Variants in TJP2 observed in about 807,000 individuals in gnomAD.
The protein encoded by TJP2 is Friedreich ataxia region gene X104 (tight junction protein ZO-2).
A neutral mutation model predicts 133.1 loss-of-function variants in TJP2; 91 were observed. That is an observed-to-expected ratio of 0.68 (90% CI 0.58 to 0.81). The LOEUF (loss-of-function observed/expected upper bound fraction) is 0.81, where lower values mean the gene tolerates loss of function less well. Ranked by LOEUF, TJP2 falls within the 40% of genes least tolerant of loss-of-function variation. The pLI is 0.00. For synonymous variants in TJP2, 592 were observed against 583.4 expected, an observed-to-expected ratio of 1.01 and a Z score of -0.21; for missense variants, 1,541 against 1,565.6, an observed-to-expected ratio of 0.98 and a Z score of 0.26.
chr9:69,188,885 G>A (rs1826028528), intron 1 of TJP2, among the ~76,000 whole-genome samples: 1 of 152,116 alleles, frequency 6.6e-6, no homozygotes, highest in Non-Finnish European at 1.5e-5. Flanking sequence ...TTAATATCAG[G>A]AAAAACTTAT....
intron 12 of TJP2, 25 bp from the exon 13 acceptor site, chr9:69,236,003 A>C (rs765483366): frequency 2.5e-6 from 4 of 1,610,436 alleles, no homozygotes; most frequent in Admixed American, 1.7e-5. Context: ...AGCTGAATGC[A>C]ACAAACGATG....
intron 5 of TJP2, 46 bp downstream of exon 5, chr9:69,221,542 T>C (rs1296464383): frequency 6.4e-7 from 1 of 1,572,282 alleles, no homozygotes; most frequent in Non-Finnish European, 8.6e-7. Flanking sequence ...GTGATATGAA[T>C]AACCTTTGTT....
intron 2 of TJP2, among the ~76,000 whole-genome samples, chr9:69,213,960 G>A (rs774710564): frequency 4.6e-5 from 7 of 152,158 alleles, no homozygotes; most frequent in Non-Finnish European, 7.3e-5. Flanking sequence ...TGGGCCTCAC[G>A]TGGGAAACTT....
rs761267971 is a variant in TJP2 at position 69,251,099 on chromosome 9, C to T, written c.3056C>T (p.Pro1019Leu). 1.9e-6 allele frequency: 3 copies of T among 1,614,160 alleles called. No homozygotes were observed. Among genetic ancestry groups the T allele is most frequent in the Non-Finnish European group, 2.5e-6 (3 of 1,180,034 alleles). The change falls in exon 21 of 23, where the codon CCC becomes CTC. Residue 1019 changes from proline (P) to leucine (L), a missense_variant. Coordinates refer to ENST00000377245, the MANE Select transcript of TJP2 (RefSeq NM_004817.4). ...AAATCCTATGAATATAAGTCAAACC[C>T]CTCTGCCGTTGCTGGTAATGAAACT... is the stretch of plus-strand genomic sequence containing the variant. ...FSKSYEYKSN[P>L]SAVAGNETPG...
chr9:69,237,848 A>G, intron 14 of TJP2, 30 bp from the exon 15 acceptor site: 4 of 1,507,424 alleles, frequency 2.7e-6, no homozygotes, highest in Non-Finnish European at 2.8e-6. Context: ...GCAAGTGTGT[A>G]TGCTTTAATG....
rs1051397558 is a variant in TJP2, at chr9:69,186,059, C to T, written c.60+11627C>T. On this transcript the variant is annotated intron_variant, in intron 1 of 22. Transcript: ENST00000377245. ...CTGGGATTACAGGTGTGAGCCGCCGCGCCCGGCCAATGTAGTGGTTTTAAG... is the reference window on the plus strand; with the variant it reads ...CTGGGATTACAGGTGTGAGCCGCCGTGCCCGGCCAATGTAGTGGTTTTAAG... Among the ~76,000 whole-genome samples, 6 of 151,992 alleles carry T rather than the reference C, an allele frequency of 3.9e-5. No individual in the cohort carries two copies. The South Asian group carries it at 6.2e-4, about 16-fold the overall frequency.
chr9:69,137,277 T>C (rs1292536799), intron 1 of TJP2, among the ~76,000 whole-genome samples: 2 of 108,188 alleles, frequency 1.8e-5, no homozygotes, highest in East Asian at 5.4e-4. Context: ...TTCTTTTTCT[T>C]TCTTTCTTTC....
At chr9:69,137,411 C>T (rs899021791) in intron 1 of TJP2, among the ~76,000 whole-genome samples, 12 of 149,878 alleles carry the variant, frequency 8.0e-5, no homozygotes, top group South Asian at 2.2e-4. Flanking sequence ...CTCACTGCAA[C>T]GTGTGCAGTG....
At position 69,125,303 on chromosome 9, in the gene TJP2, ATTT is replaced by A. The variant is rs759954506; in HGVS notation, c.-131+3597_-131+3599del. ...TGTGCGTTTAATAGCACCCTGAGTG[ATTT>A]TTTTTTTTTTTTTTTTTTGAGATAG... On this transcript the variant is annotated intron_variant, in intron 1 of 5. Coordinates refer to the TJP2 transcript ENST00000423935. Among the ~76,000 whole-genome samples, 234 of 43,834 alleles carry A rather than the reference ATTT, an allele frequency of 5.3e-3. 81 individuals carry two copies. Among genetic ancestry groups the A allele is most frequent in the African/African-American group, 0.015 (211 of 14,096 alleles). The allele number at this position is 43,834 out of a possible 152,430, so 28.8% of individuals were successfully genotyped here.
chr9:69,244,743 T>C (rs1830809406), intron 17 of TJP2, among the ~76,000 whole-genome samples: 1 of 152,240 alleles, frequency 6.6e-6, no homozygotes, highest in South Asian at 2.1e-4. Context: ...GTCAAGTGCA[T>C]GAGTTGGATG....
intron 1 of TJP2, 35 bp from the exon 2 acceptor site, chr9:69,212,513 G>T (rs1588069945): frequency 1.3e-6 from 2 of 1,544,798 alleles, no homozygotes; most frequent in East Asian, 4.5e-5. Context: ...AAAGGTTGTG[G>T]TTTTCATCAG....
At chr9:69,215,291 C>G (rs1340953216) in intron 2 of TJP2, among the ~76,000 whole-genome samples, 1 of 150,730 alleles carries the variant, frequency 6.6e-6, no homozygotes, top group Non-Finnish European at 1.5e-5. Flanking sequence ...ATATAACAAA[C>G]CTGCACATGT....
At chr9:69,158,327 C>CA (rs1156502519) in intron 2 of TJP2, among the ~76,000 whole-genome samples, 27,182 of 53,038 alleles carry the variant, frequency 0.51, 6,863 homozygotes, top group East Asian at 0.82. Flanking sequence ...GACTTTGCCT[C>CA]AAAAAAAAAA....
intron 2 of TJP2, among the ~76,000 whole-genome samples, chr9:69,161,476 T>C (rs56183630): frequency 6.6e-6 from 1 of 151,988 alleles, no homozygotes. Context: ...ATCCATCCGC[T>C]TCAGCCTCCC....
chr9:69,235,466 G>A (rs543702010), intron 12 of TJP2, among the ~76,000 whole-genome samples: 1 of 151,984 alleles, frequency 6.6e-6, no homozygotes, highest in African/African-American at 2.4e-5. Flanking sequence ...GGGACTACAG[G>A]CGCCCACCAC....
intron 1 of TJP2, among the ~76,000 whole-genome samples, chr9:69,182,932 G>T (rs1452273409): frequency 6.6e-6 from 1 of 151,332 alleles, no homozygotes; most frequent in African/African-American, 2.4e-5. Context: ...GGGACTACAG[G>T]TGCGCACCAC....
intron 1 of TJP2, among the ~76,000 whole-genome samples, chr9:69,143,357 C>A (rs979543734): frequency 2.6e-5 from 4 of 152,144 alleles, no homozygotes; most frequent in African/African-American, 9.7e-5. Flanking sequence ...TTAGCTCAGG[C>A]TTTGTTACTT....
intron 1 of TJP2, among the ~76,000 whole-genome samples, chr9:69,134,106 G>C (rs1438438266): frequency 6.6e-6 from 1 of 152,168 alleles, no homozygotes; most frequent in East Asian, 1.9e-4. Flanking sequence ...ATTAGACTGG[G>C]TGATTTTTGA....
Position 69,174,395 on chromosome 9 carries a change from G to A in TJP2, c.23G>A (p.Gly8Glu). Residue 8 changes from glycine to glutamate, a missense_variant, in exon 1 of 23, where the codon GGG becomes GAG. Coordinates refer to ENST00000377245, the MANE Select transcript of TJP2 (RefSeq NM_004817.4). ...GAAATGCCGGTGCGAGGAGACCGCGGGTTTCCACCCCGGCGGGAGCTGTCA... is the reference window on the plus strand; with the variant it reads ...GAAATGCCGGTGCGAGGAGACCGCGAGTTTCCACCCCGGCGGGAGCTGTCA... MPVRGDR[G>E]FPPRRELSGW... The A allele has an allele frequency of 6.4e-7, 1 of 1,551,996 alleles. No homozygotes were observed. Among genetic ancestry groups the A allele is most frequent in the Non-Finnish European group, 8.7e-7 (1 of 1,147,184 alleles).
Sources: gnomAD v4.1 joint callset for allele counts (sites outside exome capture counted in the v4.1 genomes callset) on GRCh38, gnomAD v4.1.1 for gene constraint, MANE v1.5 for transcripts, NCBI Gene and HGNC (gene_info 2026-07-23, HGNC 2026-07-21) for gene names.